Variants in ACVR1 observed in about 807,000 individuals in gnomAD.
ACVR1 encodes the protein activin receptor type-1.
In ACVR1, 38 loss-of-function variants were observed where a neutral mutation model predicts 57.1. That is an observed-to-expected ratio of 0.67 (90% CI 0.51 to 0.87). The LOEUF is 0.87. Ranked by LOEUF, ACVR1 falls within the 40% of genes least tolerant of loss-of-function variation. The pLI is 0.00. For synonymous variants in ACVR1, 212 were observed against 228.1 expected, an observed-to-expected ratio of 0.93 and a Z score of 0.63; for missense variants, 463 against 638.2, an observed-to-expected ratio of 0.73 and a Z score of 2.96.
intron 5 of ACVR1, among the ~76,000 whole-genome samples, chr2:157,775,956 T>G (rs561567343): frequency 6.6e-6 from 1 of 152,320 alleles, no homozygotes; most frequent in African/African-American, 2.4e-5. Context: ...ACCCCTGGTC[T>G]CAAGTGATCT....
intron 3 of ACVR1, among the ~76,000 whole-genome samples, chr2:157,791,326 T>C (rs1213083392): frequency 1.3e-5 from 2 of 152,338 alleles, no homozygotes; most frequent in South Asian, 4.1e-4. Flanking sequence ...AAACTCATAA[T>C]AAATTATTTG....
At chr2:157,763,593 C>G (rs1418718835) in intron 8 of ACVR1, among the ~76,000 whole-genome samples, 3 of 152,096 alleles carry the variant, frequency 2.0e-5, no homozygotes, top group Admixed American at 6.5e-5. Context: ...TGGTGGTACA[C>G]ACCTGTAGTC....
chr2:157,836,281 C>T (rs1368086626), intron 1 of ACVR1, among the ~76,000 whole-genome samples: 1 of 152,202 alleles, frequency 6.6e-6, no homozygotes, highest in Non-Finnish European at 1.5e-5. Flanking sequence ...TGCCCGTGAC[C>T]TTACTTTGCC....
chr2:157,799,423 T>C lies in ACVR1; in HGVS notation c.67+4A>G, dbSNP rs1239285764. ...CTTAACCCAAAAAGATGTGAGTCAC[T>C]TACCTTCCATACTAGGGGAGGGGAG... is the stretch of plus-strand genomic sequence containing the variant. On this transcript the variant is annotated splice_donor_region_variant and intron_variant, in intron 3 of 10. Transcript: ENST00000434821. 6.2e-7 allele frequency: 1 copy of C among 1,607,468 alleles called. No homozygotes were observed. The highest frequency in any genetic ancestry group is 1.7e-5 in the Admixed American group (1 of 59,836).
At chr2:157,856,662 A>G (rs1310311096) in intron 1 of ACVR1, among the ~76,000 whole-genome samples, 1 of 151,928 alleles carries the variant, frequency 6.6e-6, no homozygotes, top group African/African-American at 2.4e-5. Context: ...ATGCACATAC[A>G]GAGAAGGGTC....
chr2:157,855,308 G>GTGTGTGTATATA (rs1307480066), intron 1 of ACVR1, among the ~76,000 whole-genome samples: 124 of 51,620 alleles, frequency 2.4e-3, no homozygotes, highest in Non-Finnish European at 3.5e-3. Context: ...GTGTGTGTGT[G>GTGTGTGTATATA]TATATATATA....
chr2:157,828,207 G>A (rs1338056120), intron 1 of ACVR1, among the ~76,000 whole-genome samples: 4 of 152,046 alleles, frequency 2.6e-5, no homozygotes, highest in African/African-American at 9.7e-5. Context: ...CAGCATTTTG[G>A]GAGGTCCAGG....
chr2:157,811,176 C>T (rs1687740961), intron 2 of ACVR1, among the ~76,000 whole-genome samples: 1 of 152,174 alleles, frequency 6.6e-6, no homozygotes, highest in Non-Finnish European at 1.5e-5. Flanking sequence ...ATGCTTTGAT[C>T]CTTCTCAGTT....
At chr2:157,771,008 T>C (rs1034643594) in intron 6 of ACVR1, among the ~76,000 whole-genome samples, 1 of 152,222 alleles carries the variant, frequency 6.6e-6, no homozygotes, top group Non-Finnish European at 1.5e-5. Flanking sequence ...AATTTAGATA[T>C]GCATTTTTTC....
At chr2:157,820,604 T>C (rs1289273000) in intron 1 of ACVR1, among the ~76,000 whole-genome samples, 1 of 151,800 alleles carries the variant, frequency 6.6e-6, no homozygotes, top group East Asian at 1.9e-4. Context: ...ATAAAGGTGC[T>C]ACTAATTTGC....
chr2:157,809,282 C>T (rs560467997), intron 2 of ACVR1, among the ~76,000 whole-genome samples: 118 of 152,188 alleles, frequency 7.8e-4, no homozygotes, highest in Middle Eastern at 3.4e-3. Flanking sequence ...TCCCCTCCCC[C>T]GAATAGAATG....
chr2:157,788,344 G>A (rs115848721), intron 3 of ACVR1, among the ~76,000 whole-genome samples: 78 of 152,302 alleles, frequency 5.1e-4, no homozygotes, highest in African/African-American at 1.7e-3. Context: ...GTTATATGCT[G>A]TTTGAGTAGC....
At chr2:157,873,305 AAAT>A (rs1690171603) in intron 1 of ACVR1, among the ~76,000 whole-genome samples, 2 of 152,202 alleles carry the variant, frequency 1.3e-5, no homozygotes, top group South Asian at 4.1e-4. Context: ...TAGGACGGTA[AAAT>A]AATAATAAGA....
intron 1 of ACVR1, among the ~76,000 whole-genome samples, chr2:157,847,809 A>T (rs979186705): frequency 3.3e-5 from 5 of 152,230 alleles, no homozygotes; most frequent in Non-Finnish European, 7.3e-5. Context: ...ATGGAGAAAG[A>T]GATGGAGTTT....
chr2:157,757,231 T>C (rs1685473411), intron 9 of ACVR1, among the ~76,000 whole-genome samples: 1 of 151,468 alleles, frequency 6.6e-6, no homozygotes, highest in Non-Finnish European at 1.5e-5. Flanking sequence ...GAACAAAGCC[T>C]ACGTGATATA....
intron 2 of ACVR1, among the ~76,000 whole-genome samples, chr2:157,801,530 T>C (rs943241804): frequency 2.6e-5 from 4 of 152,216 alleles, no homozygotes; most frequent in African/African-American, 9.6e-5. Flanking sequence ...TTCAGTTCAA[T>C]CTGACATGAA....
intron 1 of ACVR1, among the ~76,000 whole-genome samples, chr2:157,844,318 C>T (rs1689064624): frequency 6.6e-6 from 1 of 152,142 alleles, no homozygotes; most frequent in South Asian, 2.1e-4. Context: ...CCAAGACTTC[C>T]AAGCTGTATC....
At chr2:157,741,365 C>T (rs1231458025) in intron 9 of ACVR1, among the ~76,000 whole-genome samples, 2 of 152,066 alleles carry the variant, frequency 1.3e-5, no homozygotes, top group African/African-American at 2.4e-5. Flanking sequence ...CGGTGGCTCA[C>T]GCCTGTAATC....
intron 8 of ACVR1, 28 bp downstream of exon 8, chr2:157,765,893 G>A (rs1574037690): frequency 3.7e-6 from 6 of 1,612,210 alleles, no homozygotes; most frequent in East Asian, 4.5e-5. Context: ...TAAAACTGGT[G>A]AGGAAAAAAA....
Sources: allele counts gnomAD v4.1 joint callset (sites outside exome capture counted in the v4.1 genomes callset), GRCh38; gene constraint gnomAD v4.1.1; transcripts MANE v1.5; gene names NCBI Gene and HGNC (gene_info 2026-07-23, HGNC 2026-07-21).